The following RBM26 variants were observed in gnomAD, a reference collection of about 807,000 sequenced individuals.
RBM26 encodes the protein RNA-binding protein 26.
In RBM26, 30 loss-of-function variants were observed where a neutral mutation model predicts 123.6. That is an observed-to-expected ratio of 0.24 (90% confidence interval 0.18 to 0.33). The LOEUF is 0.33. RBM26 is among the 10% of genes least tolerant of loss of function. The probability of loss-of-function intolerance (pLI) is 1.00; values close to 1 mark genes in which losing one functional copy is unlikely to be tolerated. For synonymous variants in RBM26, 400 were observed against 404.4 expected, an observed-to-expected ratio of 0.99 and a Z score of 0.13; for missense variants, 947 against 1,203.6, an observed-to-expected ratio of 0.79 and a Z score of 3.15.
intron 18 of RBM26, among the ~76,000 whole-genome samples, chr13:79,340,180 A>G (rs1445720987): frequency 1.3e-5 from 2 of 152,052 alleles, no homozygotes; most frequent in Non-Finnish European, 2.9e-5. Flanking sequence ...TTCCCCAAAA[A>G]AAATACTGGG....
In RBM26 at chr13:79,368,989, T is replaced by C; in HGVS notation, c.636A>G (p.Glu212=). 6.3e-7 allele frequency: 1 copy of C among 1,595,280 alleles called. No homozygotes were observed. The highest frequency in any genetic ancestry group is 8.6e-7 in the Non-Finnish European group (1 of 1,168,398). ...TRSRSRTRSR[E]RDLVKPKYDL... ...CATATTTAGGTTTTACCAGATCCCT[T>C]TCTGCAACGAAAGATAAATGACATA... Residue 212 remains glutamate, a splice_region_variant and synonymous_variant, in exon 6 of 22, where the codon GAA becomes GAG. Coordinates refer to ENST00000438737, the MANE Select transcript of RBM26 (RefSeq NM_001366735.2).
At chr13:79,405,659 TCTCC>T (rs2079473591) in intron 1 of RBM26, 41 bp downstream of exon 1, 1 of 1,398,596 alleles carries the variant, frequency 7.2e-7, no homozygotes, top group African/African-American at 1.4e-5. Context: ...GGTCCGCCTA[TCTCC>T]CACTGCCATC....
At chr13:79,337,436 A>G in intron 18 of RBM26, 134 bp from the exon 19 acceptor site, 1 of 1,047,182 alleles carries the variant, frequency 9.5e-7, no homozygotes, top group East Asian at 2.6e-5. Flanking sequence ...AGGATCACAT[A>G]ATTTAAATTG....
Position 79,320,091 on chromosome 13 carries a change from A to G in RBM26, c.*530T>C. On this transcript the variant is annotated 3_prime_UTR_variant, in exon 22 of 22. Transcript: ENST00000438737. ...TCATACACCATTATCATTAAAACCC[A>G]TATGGTAAAATACATACACAGTCCA... The G allele has an allele frequency of 5.1e-6, 5 of 975,574 alleles. No individual in the cohort carries two copies. The highest frequency in any genetic ancestry group is 6.1e-6 in the Non-Finnish European group (5 of 821,862). 60.4% of individuals were successfully genotyped at this position (975,574 alleles called of 1,614,324 possible). A position where few individuals can be genotyped will look rare whatever the true frequency, so the allele number is the denominator to read the frequency against.
intron 3 of RBM26, among the ~76,000 whole-genome samples, chr13:79,373,479 CAAA>C (rs1566508510): frequency 0.015 from 22 of 1,478 alleles, no homozygotes; most frequent in South Asian, 0.038. Flanking sequence ...TATAAATATA[CAAA>C]TATATATAAT....
In RBM26 at chr13:79,344,773, G is replaced by A; in HGVS notation, c.2080C>T (p.Leu694=). 2 of 1,612,480 alleles carry A rather than the reference G, an allele frequency of 1.2e-6. No individual in the cohort carries two copies. Among genetic ancestry groups the A allele is most frequent in the Non-Finnish European group, 1.7e-6 (2 of 1,179,218 alleles). Residue 694 remains leucine, a synonymous_variant, in exon 15 of 22, where the codon CTA becomes TTA. Transcript: ENST00000438737. ...TEKVLSTSTG[L]TKTVYNPAAL... is the part of the protein sequence containing the mutation. ...GCTGGATTATACACTGTTTTTGTTA[G>A]GCCAGTAGATGTAGACAACACCTAC...
intron 1 of RBM26, among the ~76,000 whole-genome samples, chr13:79,379,604 A>C (rs1447086200): frequency 1.3e-5 from 2 of 151,906 alleles, no homozygotes; most frequent in Non-Finnish European, 2.9e-5. Flanking sequence ...ATAAACTTGG[A>C]AACATGTCAG....
At position 79,337,195 on chromosome 13, in the gene RBM26, C is replaced by A. The variant is rs748286336; in HGVS notation, c.2640G>T (p.Val880=). ...RGRGRGRGRG[V]PGHAVVDHRP... ...GGTGATCCACCACAGCATGACCAGG[C>A]ACACCTCGCCCTCGCCCTCGCCCCC... The change falls in exon 19 of 22, where the codon GTG becomes GTT. Residue 880 remains valine (V), a synonymous_variant. Coordinates refer to ENST00000438737, the MANE Select transcript of RBM26 (RefSeq NM_001366735.2). 3 of 1,614,146 alleles carry A rather than the reference C, an allele frequency of 1.9e-6. No homozygotes were observed. Among genetic ancestry groups the A allele is most frequent in the East Asian group, 2.2e-5 (1 of 44,864 alleles).
chr13:79,390,726 G>C (rs2077894107), intron 1 of RBM26, among the ~76,000 whole-genome samples: 1 of 152,166 alleles, frequency 6.6e-6, no homozygotes, highest in Non-Finnish European at 1.5e-5. Flanking sequence ...GTTAATGGTA[G>C]AATCTCAATG....
At chr13:79,320,772 G>A (rs1471577698) in intron 21 of RBM26, 62 bp from the exon 22 acceptor site, 6 of 1,375,488 alleles carry the variant, frequency 4.4e-6, no homozygotes, top group Non-Finnish European at 4.8e-6. Flanking sequence ...GAAAAAAAAG[G>A]TGACACTTTT....
At chr13:79,344,359 C>T (rs1471853342) in intron 15 of RBM26, 37 bp from the exon 16 acceptor site, 4 of 1,402,336 alleles carry the variant, frequency 2.9e-6, no homozygotes, top group Non-Finnish European at 4.0e-6. Flanking sequence ...TAGAATATTA[C>T]TAAGGATAAA....
intron 1 of RBM26, among the ~76,000 whole-genome samples, chr13:79,393,555 A>C (rs1049463290): frequency 1.3e-5 from 2 of 152,206 alleles, no homozygotes; most frequent in Non-Finnish European, 1.5e-5. Context: ...ACTTGAGTAC[A>C]TTCCCTACTT....
intron 1 of RBM26, among the ~76,000 whole-genome samples, chr13:79,397,411 A>G (rs1386071803): frequency 6.6e-6 from 1 of 152,004 alleles, no homozygotes. Flanking sequence ...TCTAGCCAGC[A>G]TGATAAGAAA....
chr13:79,313,363 A>C (rs1178426534), exon 5 of RBM26: 1 of 37,924 alleles, frequency 2.6e-5, no homozygotes, highest in African/African-American at 1.3e-4. Flanking sequence ...CTTTGTTTTT[A>C]ATTTTAAAAG....
At chr13:79,373,836 G>A (rs761109206) in intron 3 of RBM26, among the ~76,000 whole-genome samples, 4 of 147,638 alleles carry the variant, frequency 2.7e-5, no homozygotes, top group Non-Finnish European at 5.9e-5. Context: ...TTTCCTACAA[G>A]GTGCCTCCAT....
chr13:79,319,256 T>A lies in RBM26; in HGVS notation c.*1365A>T. On this transcript the variant is annotated 3_prime_UTR_variant, in exon 22 of 22. Transcript: ENST00000438737. ...GGACCCCAATATGGAAGAAAGTAAT[T>A]TTTTAAATGTGATTTTTTAATATTA... The A allele has an allele frequency of 1.0e-6, 1 of 983,916 alleles. No homozygotes were observed. The highest frequency in any genetic ancestry group is 1.2e-6 in the Non-Finnish European group (1 of 828,772). The allele number at this position is 983,916 out of a possible 1,614,324, so 60.9% of individuals were successfully genotyped here.
At chr13:79,325,707 T>A (rs1566297196) in intron 20 of RBM26, among the ~76,000 whole-genome samples, 1 of 152,136 alleles carries the variant, frequency 6.6e-6, no homozygotes, top group Non-Finnish European at 1.5e-5. Context: ...AGATAAAATG[T>A]TCTTATAAAC....
chr13:79,364,497 T>G (rs958293017), intron 9 of RBM26, among the ~76,000 whole-genome samples: 11 of 152,194 alleles, frequency 7.2e-5, no homozygotes, highest in African/African-American at 2.7e-4. Flanking sequence ...ATTTAAAACT[T>G]AATTGAGGTG....
At chr13:79,402,642 T>G (rs1243924084) in intron 1 of RBM26, among the ~76,000 whole-genome samples, 5 of 152,166 alleles carry the variant, frequency 3.3e-5, no homozygotes, top group African/African-American at 1.2e-4. Context: ...ACATATCTTT[T>G]TTGTCCATTT....
Sources: allele counts gnomAD v4.1 joint callset (sites outside exome capture counted in the v4.1 genomes callset), GRCh38; gene constraint gnomAD v4.1.1; transcripts MANE v1.5; gene names NCBI Gene and HGNC (gene_info 2026-07-23, HGNC 2026-07-21).